The following RANBP9 variants were observed in gnomAD, a reference collection of about 807,000 sequenced individuals.
RANBP9 encodes the protein RAN binding protein 9, also known as ran-binding protein 9.
A neutral mutation model predicts 84.3 loss-of-function variants in RANBP9; 15 were observed. That is an observed-to-expected ratio of 0.18 (90% CI 0.12 to 0.27). RANBP9 has a LOEUF of 0.27. Ranked by LOEUF, RANBP9 falls within the 10% of genes least tolerant of loss-of-function variation. The pLI is 1.00. For missense variants in RANBP9, 809 were observed against 912.8 expected (o/e 0.89, Z 1.46); for synonymous variants, 392 against 349.6 (o/e 1.12, Z -1.35).
intron 1 of RANBP9, among the ~76,000 whole-genome samples, chr6:13,705,844 G>A (rs1399055621): frequency 7.5e-6 from 1 of 132,724 alleles, no homozygotes; most frequent in Non-Finnish European, 1.6e-5. Flanking sequence ...GCCTGGGCCT[G>A]GGCGACAGAG....
chr6:13,675,321 A>C (rs1765865341), intron 2 of RANBP9, among the ~76,000 whole-genome samples: 6 of 152,248 alleles, frequency 3.9e-5, no homozygotes, highest in Admixed American at 3.3e-4. Flanking sequence ...TCAGACTTTA[A>C]TAGAATTAAA....
chr6:13,637,053 G>A (rs551735353), intron 10 of RANBP9, among the ~76,000 whole-genome samples: 1 of 152,082 alleles, frequency 6.6e-6, no homozygotes, highest in Non-Finnish European at 1.5e-5. Flanking sequence ...ATTTGGGCAG[G>A]GTGAATTCAC....
At chr6:13,710,905 C>G in intron 1 of RANBP9, 30 bp downstream of exon 1, 1 of 1,571,200 alleles carries the variant, frequency 6.4e-7, no homozygotes, top group Non-Finnish European at 8.6e-7. Flanking sequence ...GTCAGTGCCC[C>G]ACTCCCACCG....
intron 8 of RANBP9, 34 bp downstream of exon 8, chr6:13,641,165 A>G (rs1241317506): frequency 8.1e-7 from 1 of 1,237,032 alleles, no homozygotes; most frequent in Non-Finnish European, 1.1e-6. Context: ...TTTATAATAT[A>G]TAACAAATAT....
chr6:13,674,241 A>C (rs1396609431), intron 2 of RANBP9, among the ~76,000 whole-genome samples: 1 of 152,190 alleles, frequency 6.6e-6, no homozygotes, highest in Admixed American at 6.5e-5. Context: ...AAGAGTGAAC[A>C]AAAAGACCCA....
In RANBP9 at chr6:13,711,643, C is replaced by T; in HGVS notation, c.-138G>A. The T allele has an allele frequency of 1.3e-6, 1 of 753,242 alleles. No individual in the cohort carries two copies. Among genetic ancestry groups the T allele is most frequent in the Non-Finnish European group, 1.8e-6 (1 of 569,096 alleles). The allele number at this position is 753,242 out of a possible 1,614,324, so 46.7% of individuals were successfully genotyped here. ...CGGAAGCAGGCGGCGGGCCGCGCGC[C>T]CAGGGAGACCGCGGCGGTTGAGGAG... On this transcript the variant is annotated 5_prime_UTR_variant, in exon 1 of 14. Transcript: ENST00000011619.
At chr6:13,664,814 T>A (rs554640185) in intron 2 of RANBP9, among the ~76,000 whole-genome samples, 1 of 152,178 alleles carries the variant, frequency 6.6e-6, no homozygotes, top group Non-Finnish European at 1.5e-5. Context: ...ATCTAAAACA[T>A]CCCAAAAAAG....
chr6:13,622,181 T>C lies in RANBP9; in HGVS notation c.*181A>G, dbSNP rs1764469765. On this transcript the variant is annotated 3_prime_UTR_variant, in exon 14 of 14. Transcript: ENST00000011619. ...AAGAGGTTAAAGATGGAAAATAATT[T>C]CTCCTAACACTAAGTTAGAAAATCA... The C allele has an allele frequency of 2.0e-6, 1 of 512,132 alleles. No homozygotes were observed. 31.7% of individuals were successfully genotyped at this position (512,132 alleles called of 1,614,324 possible). A position where few individuals can be genotyped will look rare whatever the true frequency, so the allele number is the denominator to read the frequency against.
At chr6:13,632,807 A>G (rs1349504386) in intron 11 of RANBP9, 4 of 207,520 alleles carry the variant, frequency 1.9e-5, no homozygotes, top group South Asian at 1.5e-4. Context: ...TAGAAAAAGT[A>G]TAATTCCCTA....
At chr6:13,687,381 G>C (rs1334417154) in intron 2 of RANBP9, among the ~76,000 whole-genome samples, 1 of 151,924 alleles carries the variant, frequency 6.6e-6, no homozygotes. Context: ...CCAGTACTTT[G>C]GGAGGCTGAG....
At chr6:13,648,924 T>C (rs1354793314) in intron 5 of RANBP9, among the ~76,000 whole-genome samples, 1 of 152,218 alleles carries the variant, frequency 6.6e-6, no homozygotes, top group Non-Finnish European at 1.5e-5. Flanking sequence ...GAATTAGTTA[T>C]ACTTAATGTC....
intron 5 of RANBP9, among the ~76,000 whole-genome samples, chr6:13,651,458 A>C (rs1295218810): frequency 6.6e-6 from 1 of 151,528 alleles, no homozygotes; most frequent in Non-Finnish European, 1.5e-5. Context: ...GCAGTGGCAC[A>C]ATCTTGGCTC....
chr6:13,637,975 G>A lies in RANBP9; in HGVS notation c.1526-20C>T, dbSNP rs779576998. 2.1e-5 allele frequency: 33 copies of A among 1,574,532 alleles called. No individual in the cohort carries two copies. Among genetic ancestry groups the A allele is most frequent in the Non-Finnish European group, 2.6e-5 (30 of 1,163,166 alleles). On this transcript the variant is annotated intron_variant, in intron 9 of 13. Coordinates refer to ENST00000011619, the MANE Select transcript of RANBP9 (RefSeq NM_005493.3). ...CAAAACCTGAAGAAAAAGATACCAC[G>A]TAGAAACAGAAACAAACACTAATTT... is the stretch of plus-strand genomic sequence containing the variant.
At chr6:13,664,011 C>G (rs1765591401) in intron 2 of RANBP9, among the ~76,000 whole-genome samples, 1 of 152,046 alleles carries the variant, frequency 6.6e-6, no homozygotes, top group Non-Finnish European at 1.5e-5. Flanking sequence ...CAACACCATA[C>G]TACAAATCCT....
In RANBP9 at chr6:13,622,387, G is replaced by C. The variant is rs767551564; in HGVS notation, c.2165C>G (p.Ala722Gly). The C allele has an allele frequency of 6.3e-7, 1 of 1,595,190 alleles. No individual in the cohort carries two copies. Among genetic ancestry groups the C allele is most frequent in the East Asian group, 2.3e-5 (1 of 44,262 alleles). ...ARSGIGSCAFATVEDYLH is the reference protein window; with the variant it reads ...ARSGIGSCAFGTVEDYLH ...CTAATGTAGGTAGTCTTCCACTGTG[G>C]CAAATGCGCAGGATCCAATTCCTGA... is the stretch of plus-strand genomic sequence containing the variant. The change falls in exon 14 of 14, where the codon GCC becomes GGC. Residue 722 changes from alanine to glycine, a missense_variant. Physicochemically the swap from Ala to Gly is moderately conservative, Grantham distance 60. This residue lies in a region of RANBP9 where 233 missense variants were observed against 234.4 expected (regional missense o/e 0.99). Transcript: ENST00000011619.
At chr6:13,709,619 C>T in intron 1 of RANBP9, among the ~76,000 whole-genome samples, 1 of 152,212 alleles carries the variant, frequency 6.6e-6, no homozygotes, top group Admixed American at 6.5e-5. Flanking sequence ...AACGTTCAGA[C>T]GTTTAGATTA....
chr6:13,682,179 A>G (rs1447773360), intron 2 of RANBP9, among the ~76,000 whole-genome samples: 1 of 152,048 alleles, frequency 6.6e-6, no homozygotes, highest in African/African-American at 2.4e-5. Context: ...CTTCTTCAAC[A>G]GTCTTACTTT....
chr6:13,641,993 G>A (rs1326654613), intron 7 of RANBP9, among the ~76,000 whole-genome samples: 1 of 152,152 alleles, frequency 6.6e-6, no homozygotes, highest in Non-Finnish European at 1.5e-5. Context: ...CTATGGACCA[G>A]TTATGCTGAC....
In RANBP9 at chr6:13,622,482, A is replaced by G. The variant is rs767392248; in HGVS notation, c.2070T>C (p.Asn690=). 3 of 1,570,974 alleles carry G rather than the reference A, an allele frequency of 1.9e-6. No individual in the cohort carries two copies. Among genetic ancestry groups the G allele is most frequent in the Non-Finnish European group, 2.6e-6 (3 of 1,161,226 alleles). ...GGGCAAGTGGAGGTTGCTTTGGCAG[A>G]TTGTGGGTTTCTGAGGAAAAATAAT... ...ALNSAILETH[N]LPKQPPLALA... Residue 690 remains asparagine (N), a synonymous_variant, in exon 14 of 14, where the codon AAT becomes AAC. Transcript: ENST00000011619.
Sources: gnomAD v4.1 joint callset for allele counts (sites outside exome capture counted in the v4.1 genomes callset) on GRCh38, gnomAD v4.1.1 for gene constraint, gnomAD v4.1.1 regional missense constraint, MANE v1.5 for transcripts, NCBI Gene and HGNC (gene_info 2026-07-23, HGNC 2026-07-21) for gene names.